Variants in IHO1 observed in about 807,000 individuals in gnomAD.
The protein encoded by IHO1 is interactor of HORMAD1 1.
IHO1 carries 13 observed loss-of-function variants against 31.0 expected under a neutral mutation model. The observed-to-expected ratio is 0.42, with a 90% CI of 0.27 to 0.67. The LOEUF (loss-of-function observed/expected upper bound fraction) is 0.67, where lower values mean the gene tolerates loss of function less well. IHO1 is among the 30% of genes least tolerant of loss of function. The pLI is 0.24. For synonymous variants in IHO1, 221 were observed against 248.4 expected, an observed-to-expected ratio of 0.89 and a Z score of 1.04; for missense variants, 599 against 687.5, an observed-to-expected ratio of 0.87 and a Z score of 1.44.
chr3:49,226,546 A>C (rs900234815), intron 2 of IHO1, among the ~76,000 whole-genome samples: 1 of 152,166 alleles, frequency 6.6e-6, no homozygotes, highest in African/African-American at 2.4e-5. Context: ...TTGTGATTCC[A>C]GTCCCCATGA....
At chr3:49,206,099 G>T (rs2046133341) in intron 1 of IHO1, among the ~76,000 whole-genome samples, 1 of 152,150 alleles carries the variant, frequency 6.6e-6, no homozygotes, top group Admixed American at 6.5e-5. Flanking sequence ...GAGTAGGTGG[G>T]ACTACAGGCG....
At chr3:49,193,681 A>AG (rs2045978473), upstream of IHO1, among the ~76,000 whole-genome samples, 1 of 139,236 alleles carries the variant, frequency 7.2e-6, no homozygotes, top group South Asian at 2.3e-4. Flanking sequence ...AAAAAAAAAA[A>AG]GGCCAGGTGC....
chr3:49,201,003 G>GTTT (rs10650561), intron 1 of IHO1, among the ~76,000 whole-genome samples: 108,334 of 149,508 alleles, frequency 0.72, 39,689 homozygotes, highest in East Asian at 0.99. Flanking sequence ...ACAGTTTTTT[G>GTTT]TTTTTTTTGA....
At chr3:49,194,613 C>T (rs1050092190), upstream of IHO1, among the ~76,000 whole-genome samples, 5 of 143,898 alleles carry the variant, frequency 3.5e-5, no homozygotes, top group South Asian at 5.2e-4. Flanking sequence ...TTTATAAAAT[C>T]GGCATGGCAT....
At chr3:49,208,694 GT>G (rs544862717) in intron 1 of IHO1, among the ~76,000 whole-genome samples, 5 of 151,910 alleles carry the variant, frequency 3.3e-5, no homozygotes, top group East Asian at 1.9e-4. Context: ...ACCTCTATGT[GT>G]TTTTTTTATC....
intron 2 of IHO1, among the ~76,000 whole-genome samples, chr3:49,233,071 T>C (rs1225505566): frequency 6.6e-6 from 1 of 152,166 alleles, no homozygotes; most frequent in African/African-American, 2.4e-5. Flanking sequence ...TAGGCACAGG[T>C]GCTGCGTAAC....
At chr3:49,235,078 C>A (rs1214451405) in intron 2 of IHO1, among the ~76,000 whole-genome samples, 1 of 152,084 alleles carries the variant, frequency 6.6e-6, no homozygotes, top group Non-Finnish European at 1.5e-5. Flanking sequence ...AACTCCTAAC[C>A]TTGTGATCTG....
At chr3:49,206,636 A>G (rs1265105645) in intron 1 of IHO1, among the ~76,000 whole-genome samples, 1 of 152,130 alleles carries the variant, frequency 6.6e-6, no homozygotes, top group East Asian at 1.9e-4. Context: ...TTGCTGACCT[A>G]TCTCATCCTG....
chr3:49,236,507 A>T, intron 2 of IHO1, 41 bp from the exon 3 acceptor site: 2 of 1,421,508 alleles, frequency 1.4e-6, no homozygotes, highest in South Asian at 1.2e-5. Context: ...TTTGTTCAGG[A>T]TATTTGTCTA....
chr3:49,236,525 C>T (rs768748907), intron 2 of IHO1, 23 bp from the exon 3 acceptor site: 2 of 1,540,322 alleles, frequency 1.3e-6, no homozygotes, highest in South Asian at 2.3e-5. Flanking sequence ...CTATTTGATA[C>T]ACTTTTTTTT....
intron 2 of IHO1, chr3:49,213,977 G>A: frequency 2.4e-6 from 1 of 417,988 alleles, no homozygotes; most frequent in Non-Finnish European, 5.0e-6. Context: ...AGGGCTGCCA[G>A]CATGCTGTCA....
At chr3:49,219,079 C>T (rs1457274731) in intron 2 of IHO1, among the ~76,000 whole-genome samples, 4 of 152,102 alleles carry the variant, frequency 2.6e-5, no homozygotes, top group African/African-American at 7.2e-5. Flanking sequence ...AAGGCTGAGG[C>T]GGATGCATCA....
chr3:49,220,865 C>CAAAAAATAAAAAAT (rs962629061), intron 2 of IHO1, among the ~76,000 whole-genome samples: 2 of 151,992 alleles, frequency 1.3e-5, no homozygotes, highest in Non-Finnish European at 2.9e-5. Flanking sequence ...AAGACTCCAT[C>CAAAAAATAAAAAAT]AAAAAATAAA....
At chr3:49,233,591 G>T (rs1288200319) in intron 2 of IHO1, among the ~76,000 whole-genome samples, 5 of 152,164 alleles carry the variant, frequency 3.3e-5, no homozygotes, top group Non-Finnish European at 7.3e-5. Flanking sequence ...GTTTGTCTTT[G>T]TATAGTCTGC....
intron 6 of IHO1, among the ~76,000 whole-genome samples, chr3:49,250,950 G>C (rs2046752582): frequency 6.6e-6 from 1 of 151,934 alleles, no homozygotes; most frequent in South Asian, 2.1e-4. Context: ...CTTGAACCCT[G>C]GAGGCAGAGG....
At chr3:49,192,709 C>A in the IHO1 span, among the ~76,000 whole-genome samples, 2 of 152,092 alleles carry the variant, frequency 1.3e-5, no homozygotes, top group Admixed American at 6.6e-5. Context: ...CCAGTCTGGG[C>A]AAAATGGCTA....
rs923468822 is a variant in IHO1, at chr3:49,258,085, TAA to T, written c.*804_*805del. ...CACAAGTATTTTTTGTTATCAGAAATAAGATAAAACATTTAAAAGCATATATT... is the reference window on the plus strand; with the variant it reads ...CACAAGTATTTTTTGTTATCAGAAATGATAAAACATTTAAAAGCATATATT... On this transcript the variant is annotated 3_prime_UTR_variant, in exon 8 of 8. Transcript: ENST00000452691. The T allele has an allele frequency of 6.6e-6, 1 of 152,196 alleles. No individual in the cohort carries two copies. Among genetic ancestry groups the T allele is most frequent in the African/African-American group, 2.4e-5 (1 of 41,444 alleles). The allele number at this position is 152,196 out of a possible 1,614,324, so 9.4% of individuals were successfully genotyped here. A position where few individuals can be genotyped will look rare whatever the true frequency, so the allele number is the denominator to read the frequency against.
chr3:49,194,086 G>A (rs1184627856), upstream of IHO1, among the ~76,000 whole-genome samples: 1 of 150,888 alleles, frequency 6.6e-6, no homozygotes, highest in Non-Finnish European at 1.5e-5. Context: ...TGGCCAACAT[G>A]GTGAAACCCC....
chr3:49,229,095 T>C (rs930217322), intron 2 of IHO1, among the ~76,000 whole-genome samples: 6 of 151,854 alleles, frequency 4.0e-5, no homozygotes. Context: ...GCTAGACACA[T>C]AGCGCTGATT....
Sources: gnomAD v4.1 joint callset for allele counts (sites outside exome capture counted in the v4.1 genomes callset) on GRCh38, gnomAD v4.1.1 for gene constraint, MANE v1.5 for transcripts, NCBI Gene and HGNC (gene_info 2026-07-23, HGNC 2026-07-21) for gene names.